STON1: variants seen among roughly 807,000 people sequenced by gnomAD.
The protein encoded by STON1 is stonin-1.
Under a neutral mutation model 60.9 loss-of-function variants are expected in STON1, and 79 were observed. The ratio of observed to expected loss-of-function variants is 1.30; its 90% CI spans 1.08 to 1.56. The LOEUF (loss-of-function observed/expected upper bound fraction) is 1.56. STON1 is among the 40% of genes most tolerant of loss of function. The pLI is 0.00. For synonymous variants in STON1, 363 were observed against 306.9 expected, an observed-to-expected ratio of 1.18 and a Z score of -1.91; for missense variants, 1,166 against 858.9, an observed-to-expected ratio of 1.36 and a Z score of -4.47.
At position 48,582,523 on chromosome 2, in the gene STON1, A is replaced by G. The variant is rs975295917; in HGVS notation, c.1890A>G (p.Ala630=). ...CAAAATATGAGAGTGCCTACCAGGC[A>G]GTGGTATGGAAGATAGATCGGCTTC... ...GSAKYESAYQ[A]VVWKIDRLPD... is the part of the protein sequence containing the mutation. Residue 630 remains alanine (A), a synonymous_variant, in exon 2 of 4, where the codon GCA becomes GCG. Transcript: ENST00000404752. 4 of 1,614,054 alleles carry G rather than the reference A, an allele frequency of 2.5e-6. No homozygotes were observed. The highest frequency in any genetic ancestry group is 3.4e-6 in the Non-Finnish European group (4 of 1,179,966).
intron 1 of STON1, among the ~76,000 whole-genome samples, chr2:48,533,151 A>C (rs1045641431): frequency 6.6e-6 from 1 of 152,124 alleles, no homozygotes; most frequent in South Asian, 2.1e-4. Flanking sequence ...GGGGAGGCCA[A>C]GGCAGGCAGA....
intron 1 of STON1, among the ~76,000 whole-genome samples, chr2:48,547,365 C>A (rs189320777): frequency 0.01 from 1,567 of 152,260 alleles, 16 homozygotes; most frequent in African/African-American, 0.021. Context: ...CATGACAGGC[C>A]CTTAGCACTG....
Position 48,581,355 on chromosome 2 carries a change from AC to A in STON1, c.724del (p.Gln242LysfsTer39), listed in dbSNP as rs1173694970. 6.4e-7 allele frequency: 1 copy of A among 1,562,522 alleles called. No homozygotes were observed. Among genetic ancestry groups the A allele is most frequent in the Non-Finnish European group, 8.7e-7 (1 of 1,155,728 alleles). On this transcript the variant is annotated frameshift_variant, in exon 2 of 4. Coordinates refer to ENST00000404752, the MANE Select transcript of STON1 (RefSeq NM_006873.4). LOFTEE classifies it high-confidence loss of function. ...CTTGAACATCTCCAGTCAGCTGAGA[AC>A]CAAGACTCACTTAGAAGTTTGTCTA... Reference protein sequence around the residue: ...EKLEHLQSAENQDSLRSLSMH... With the variant: ...EKLEHLQSAEXQDSLRSLSMH...
chr2:48,549,934 C>T (rs1225718224), intron 1 of STON1, among the ~76,000 whole-genome samples: 1 of 151,842 alleles, frequency 6.6e-6, no homozygotes, highest in Non-Finnish European at 1.5e-5. Context: ...ATCAGGCCAG[C>T]TCCAGCTGAG....
Position 48,582,311 on chromosome 2 carries a change from G to T in STON1, c.1678G>T (p.Gly560Cys), listed in dbSNP as rs146130623. Residue 560 changes from glycine (G) to cysteine (C), a missense_variant, in exon 2 of 4, where the codon GGT (glycine) becomes TGT (cysteine). By Grantham distance (159) the Gly-to-Cys change is radical (BLOSUM62 -3). Coordinates refer to ENST00000404752, the MANE Select transcript of STON1 (RefSeq NM_006873.4). ...ATTGGCGCAGAGGTCATCCTATGCTGGTTCCTTAAGGTCCTGTGACAATAT... is the reference window on the plus strand; with the variant it reads ...ATTGGCGCAGAGGTCATCCTATGCTTGTTCCTTAAGGTCCTGTGACAATAT... ...ASLAQRSSYA[G>C]SLRSCDNIRI... The T allele has an allele frequency of 3.5e-4, 559 of 1,614,164 alleles. No individual in the cohort carries two copies. The African/African-American group carries it at 6.5e-3, about 19-fold the overall frequency.
intron 1 of STON1, among the ~76,000 whole-genome samples, chr2:48,548,498 T>C (rs1409903528): frequency 6.6e-6 from 1 of 151,614 alleles, no homozygotes; most frequent in Non-Finnish European, 1.5e-5. Context: ...ATTTTTCTTT[T>C]TTTTTTTCTT....
At position 48,581,935 on chromosome 2, in the gene STON1, T is replaced by G. The variant is rs1249419524; in HGVS notation, c.1302T>G (p.Val434=). The G allele has an allele frequency of 6.2e-7, 1 of 1,614,040 alleles. No individual in the cohort carries two copies. ...AAGTCACAAAAGAAGGAAAATTTGT[T>G]GAAAGTGCTGTGATAACTCAAATTT... The part of the protein sequence containing the change: ...WGKVTKEGKF[V]ESAVITQIYC... The change falls in exon 2 of 4, where the codon GTT becomes GTG. Residue 434 remains valine (V), a synonymous_variant. Transcript: ENST00000404752.
chr2:48,580,516 A>G (rs1033329750), intron 1 of STON1, 71 bp from the exon 2 acceptor site: 6 of 1,271,034 alleles, frequency 4.7e-6, no homozygotes, highest in East Asian at 6.0e-5. Context: ...TATCAGAAGT[A>G]AAGACATTTA....
At chr2:48,533,097 A>AG (rs1233631008) in intron 1 of STON1, among the ~76,000 whole-genome samples, 1 of 152,056 alleles carries the variant, frequency 6.6e-6, no homozygotes, top group African/African-American at 2.4e-5. Flanking sequence ...TTAAAAAAAA[A>AG]GATGGGCCGG....
intron 1 of STON1, among the ~76,000 whole-genome samples, chr2:48,562,150 C>G (rs183521355): frequency 6.6e-6 from 1 of 152,186 alleles, no homozygotes; most frequent in African/African-American, 2.4e-5. Flanking sequence ...TGTGAGCCAC[C>G]GCACCTGGCC....
intron 1 of STON1, among the ~76,000 whole-genome samples, chr2:48,539,979 G>C (rs1671591351): frequency 6.6e-6 from 1 of 151,998 alleles, no homozygotes. Flanking sequence ...ATGGTGTAAG[G>C]TGACCATCTC....
Position 48,581,650 on chromosome 2 carries a change from T to G in STON1, c.1017T>G (p.Ser339Arg), listed in dbSNP as rs1673892923. 6.2e-7 allele frequency: 1 copy of G among 1,613,990 alleles called. No individual in the cohort carries two copies. Among genetic ancestry groups the G allele is most frequent in the Non-Finnish European group, 8.5e-7 (1 of 1,180,010 alleles). The stretch of plus-strand genomic sequence containing the variant: ...CTGAACCCAAGGTTGAGAACTTCAG[T>G]GTAGCAGGAAAAATCCACACTGTGA... Reference protein sequence around the residue: ...RLSEPKVENFSVAGKIHTVKI... With the variant: ...RLSEPKVENFRVAGKIHTVKI... The change falls in exon 2 of 4, where the codon AGT becomes AGG. Residue 339 changes from serine (S) to arginine (R), a missense_variant. Transcript: ENST00000404752.
intron 1 of STON1, among the ~76,000 whole-genome samples, chr2:48,570,618 A>T (rs2103868054): frequency 6.6e-6 from 1 of 152,228 alleles, no homozygotes; most frequent in African/African-American, 2.4e-5. Flanking sequence ...GATCCTTGTT[A>T]TTCCTGGTGT....
chr2:48,564,430 T>C (rs1672752713), intron 1 of STON1, among the ~76,000 whole-genome samples: 3 of 44,958 alleles, frequency 6.7e-5, no homozygotes, highest in African/African-American at 1.6e-4. Flanking sequence ...TTCTTCTTCT[T>C]CTTCTTCTTC....
chr2:48,595,401 T>C lies in STON1; in HGVS notation c.*99T>C, dbSNP rs7574549. The stretch of plus-strand genomic sequence containing the variant: ...CTGTAGAGTGGAAATGACTTCTGAA[T>C]AGCGGTTTTAGGACAGGTCTGATGG... On this transcript the variant is annotated 3_prime_UTR_variant, in exon 4 of 4. Coordinates refer to ENST00000404752, the MANE Select transcript of STON1 (RefSeq NM_006873.4). 115,512 of 1,043,144 alleles carry C rather than the reference T, an allele frequency of 0.11. 11,588 individuals are homozygous for C. The highest frequency in any genetic ancestry group is 0.41 in the East Asian group (16,193 of 39,286). 64.6% of individuals were successfully genotyped at this position (1,043,144 alleles called of 1,614,324 possible).
intron 1 of STON1, among the ~76,000 whole-genome samples, chr2:48,571,251 G>T (rs1399020788): frequency 6.6e-6 from 1 of 152,186 alleles, no homozygotes; most frequent in Non-Finnish European, 1.5e-5. Flanking sequence ...ATGCAGGCTG[G>T]GATGGAATCC....
intron 1 of STON1, among the ~76,000 whole-genome samples, chr2:48,555,608 C>A (rs1293744276): frequency 2.2e-4 from 10 of 45,664 alleles, no homozygotes; most frequent in Admixed American, 1.8e-3. Context: ...CTGACCCCCC[C>A]ACCTCCCTCC....
At chr2:48,530,412 G>A (rs1408412635) in intron 1 of STON1, 196 bp downstream of exon 1, 5 of 229,686 alleles carry the variant, frequency 2.2e-5, no homozygotes, top group Non-Finnish European at 3.4e-5. Context: ...CAGAGGGATG[G>A]CCTCCCGGCA....
chr2:48,564,894 G>A (rs186390498), intron 1 of STON1, among the ~76,000 whole-genome samples: 7,356 of 148,926 alleles, frequency 0.049, 263 homozygotes, highest in Middle Eastern at 0.09. Flanking sequence ...CACCACGCCC[G>A]GCTAATTTTT....
Sources: gnomAD v4.1 joint callset for allele counts (sites outside exome capture counted in the v4.1 genomes callset) on GRCh38, gnomAD v4.1.1 for gene constraint, MANE v1.5 for transcripts, NCBI Gene and HGNC (gene_info 2026-07-23, HGNC 2026-07-21) for gene names.